FRMD4A: variants seen among roughly 807,000 people sequenced by gnomAD.
The protein encoded by FRMD4A is FERM domain-containing protein 4A.
In FRMD4A, 29 loss-of-function variants were observed where a neutral mutation model predicts 129.1. The ratio of observed to expected loss-of-function variants is 0.22; its 90% CI spans 0.17 to 0.31. The LOEUF is 0.31. Among genes scored for constraint, FRMD4A ranks in the 10% least tolerant of loss-of-function variants. The pLI is 1.00. For synonymous variants in FRMD4A, 634 were observed against 571.6 expected, an observed-to-expected ratio of 1.11 and a Z score of -1.56; for missense variants, 1,272 against 1,375.8, an observed-to-expected ratio of 0.92 and a Z score of 1.19.
intron 2 of FRMD4A, among the ~76,000 whole-genome samples, chr10:14,249,351 T>TAAAAAAA (rs71388170): frequency 7.0e-6 from 1 of 143,752 alleles, no homozygotes; most frequent in African/African-American, 2.6e-5. Context: ...GAATCTGTCT[T>TAAAAAAA]AAAAAAAAAA....
chr10:14,312,446 C>T (rs1846582742), intron 2 of FRMD4A, among the ~76,000 whole-genome samples: 1 of 152,088 alleles, frequency 6.6e-6, no homozygotes, highest in Non-Finnish European at 1.5e-5. Flanking sequence ...TTTATAATAT[C>T]TACAAAAATT....
chr10:14,048,071 T>C (rs967680657), intron 2 of FRMD4A, among the ~76,000 whole-genome samples: 2 of 152,012 alleles, frequency 1.3e-5, no homozygotes, highest in African/African-American at 2.4e-5. Flanking sequence ...CAAGACAAGG[T>C]GGGAGGCGGT....
chr10:14,014,839 T>G (rs1477669688), intron 2 of FRMD4A, among the ~76,000 whole-genome samples: 1 of 152,232 alleles, frequency 6.6e-6, no homozygotes, highest in African/African-American at 2.4e-5. Context: ...CCTCCTCCTG[T>G]GCCATTTGGA....
intron 2 of FRMD4A, among the ~76,000 whole-genome samples, chr10:14,221,526 G>A (rs1843260607): frequency 6.6e-6 from 1 of 152,246 alleles, no homozygotes; most frequent in East Asian, 1.9e-4. Flanking sequence ...GTTTGCTTTA[G>A]CCCTAACATC....
rs770810189 is a variant in FRMD4A at position 13,802,491 on chromosome 10, G to A, written c.207-5903C>T. 1.1e-3 allele frequency among the ~76,000 whole-genome samples: 168 copies of A among 152,134 alleles called. 1 individual carries two copies. The highest frequency in any genetic ancestry group is 1.7e-3 in the Non-Finnish European group (116 of 68,016). ...TTTAGAGACAGGGTCTCACTCTGTT[G>A]CCCAGGCTGGAGTGCAGTGGTGCAA... is the stretch of plus-strand genomic sequence containing the variant. On this transcript the variant is annotated intron_variant, in intron 4 of 24. Coordinates refer to ENST00000357447, the MANE Select transcript of FRMD4A (RefSeq NM_018027.5).
intron 2 of FRMD4A, among the ~76,000 whole-genome samples, chr10:14,196,017 T>C (rs1842461992): frequency 6.6e-6 from 1 of 152,230 alleles, no homozygotes; most frequent in Non-Finnish European, 1.5e-5. Context: ...AGGCAGGACA[T>C]GAACAAAGGC....
chr10:14,166,438 C>T (rs909279681), intron 2 of FRMD4A, among the ~76,000 whole-genome samples: 2 of 152,140 alleles, frequency 1.3e-5, no homozygotes, highest in African/African-American at 4.8e-5. Flanking sequence ...ATAAAGTCAC[C>T]ATTTTTTTCC....
chr10:14,087,243 T>C (rs1028615911), intron 2 of FRMD4A, among the ~76,000 whole-genome samples: 12 of 147,514 alleles, frequency 8.1e-5, no homozygotes, highest in Non-Finnish European at 4.5e-5. Context: ...TTATATAATA[T>C]AAAAATTATA....
rs189516101 is a variant in FRMD4A, at chr10:13,695,112, T to A, written c.976-1073A>T. Reference sequence around the variant, plus strand: ...AATTAGAAAAAACTCTATGTTCACATTGACATTCCTAAAAGCAGCGGTTTT... The same window carrying A: ...AATTAGAAAAAACTCTATGTTCACAATGACATTCCTAAAAGCAGCGGTTTT... On this transcript the variant is annotated intron_variant, in intron 14 of 24. Coordinates refer to ENST00000357447, the MANE Select transcript of FRMD4A (RefSeq NM_018027.5). Among the ~76,000 whole-genome samples, 4 of 152,226 alleles carry A rather than the reference T, an allele frequency of 2.6e-5. No individual in the cohort carries two copies. The East Asian group carries it at 5.8e-4, about 22-fold the overall frequency.
At chr10:14,028,048 G>A (rs369525309) in intron 2 of FRMD4A, among the ~76,000 whole-genome samples, 19 of 152,184 alleles carry the variant, frequency 1.2e-4, no homozygotes, top group East Asian at 1.2e-3. Flanking sequence ...AGTGCTTATC[G>A]GTATATGAGA....
At chr10:14,116,116 T>C (rs924759026) in intron 2 of FRMD4A, among the ~76,000 whole-genome samples, 2 of 152,248 alleles carry the variant, frequency 1.3e-5, no homozygotes, top group South Asian at 2.1e-4. Flanking sequence ...CGTGCCTTAG[T>C]TGTTTTTCTC....
intron 2 of FRMD4A, among the ~76,000 whole-genome samples, chr10:13,912,557 C>T (rs1484593840): frequency 1.5e-5 from 2 of 131,418 alleles, no homozygotes; most frequent in African/African-American, 2.9e-5. Flanking sequence ...GAGATGGAGT[C>T]TCGCTCTGTC....
intron 2 of FRMD4A, among the ~76,000 whole-genome samples, chr10:13,900,896 CTAAAA>C (rs71848496): frequency 0.015 from 2,334 of 152,032 alleles, 60 homozygotes; most frequent in African/African-American, 0.051. Context: ...GATTCCGTCT[CTAAAA>C]TAAAATAAAA....
In FRMD4A at chr10:14,326,792, G is replaced by T. The variant is rs77446132; in HGVS notation, c.45+3266C>A. The T allele has an allele frequency of 3.0e-3, 1,200 of 398,454 alleles. 3 individuals are homozygous for T. The highest frequency in any genetic ancestry group is 4.2e-3 in the Non-Finnish European group (960 of 226,042). The allele number at this position is 398,454 out of a possible 1,614,324, so 24.7% of individuals were successfully genotyped here. On this transcript the variant is annotated intron_variant, in intron 2 of 24. Transcript: ENST00000357447. ...AATGACACGTAGCCAAGAGCTTCCC[G>T]CTCTACAATTAGTCACATCAATCTG...
intron 2 of FRMD4A, among the ~76,000 whole-genome samples, chr10:14,185,759 A>G (rs1420091442): frequency 6.6e-6 from 1 of 152,198 alleles, no homozygotes; most frequent in Non-Finnish European, 1.5e-5. Flanking sequence ...CCAGGCTAGT[A>G]CCAGCCAAAG....
chr10:13,659,793 C>A (rs1405634210), intron 20 of FRMD4A, among the ~76,000 whole-genome samples: 1 of 151,948 alleles, frequency 6.6e-6, no homozygotes, highest in Non-Finnish European at 1.5e-5. Context: ...GTCCTGGCAC[C>A]CCCCTTGGAG....
chr10:14,086,954 T>C (rs1173932118), intron 2 of FRMD4A, among the ~76,000 whole-genome samples: 2 of 152,122 alleles, frequency 1.3e-5, no homozygotes, highest in Non-Finnish European at 2.9e-5. Context: ...TGGGATTATA[T>C]GGTGCCTTAT....
intron 2 of FRMD4A, among the ~76,000 whole-genome samples, chr10:14,088,307 T>A (rs1055920491): frequency 6.6e-6 from 1 of 151,672 alleles, no homozygotes; most frequent in African/African-American, 2.4e-5. Context: ...TTTAGCGGGC[T>A]GTGGTGGTGT....
chr10:14,232,190 CT>C (rs1237901719), intron 2 of FRMD4A, among the ~76,000 whole-genome samples: 2 of 152,118 alleles, frequency 1.3e-5, no homozygotes, highest in African/African-American at 2.4e-5. Context: ...ATAGGGAATC[CT>C]TTTCCCATTT....
Sources: gnomAD v4.1 joint callset for allele counts (sites outside exome capture counted in the v4.1 genomes callset) on GRCh38, gnomAD v4.1.1 for gene constraint, MANE v1.5 for transcripts, NCBI Gene and HGNC (gene_info 2026-07-23, HGNC 2026-07-21) for gene names.